The following CDH17 variants were observed in gnomAD, a reference collection of about 807,000 sequenced individuals.
The protein encoded by CDH17 is cadherin 17.
A neutral mutation model predicts 86.3 loss-of-function variants in CDH17; 67 were observed. That is an observed-to-expected ratio of 0.78 (90% CI 0.64 to 0.95). CDH17 has a LOEUF of 0.95. Among genes scored for constraint, CDH17 ranks in the 40% least tolerant of loss-of-function variants. CDH17 has a pLI of 0.00. For missense variants in CDH17, 993 were observed against 1,017.6 expected (o/e 0.98, Z 0.33); for synonymous variants, 367 against 366.4 (o/e 1.00, Z -0.02).
chr8:94,154,978 C>G (rs547658623), intron 12 of CDH17, among the ~76,000 whole-genome samples: 1 of 152,066 alleles, frequency 6.6e-6, no homozygotes, highest in South Asian at 2.1e-4. Context: ...CCAACACACA[C>G]CATCATGACT....
chr8:94,132,115 G>T (rs533907175), intron 15 of CDH17, among the ~76,000 whole-genome samples: 204 of 152,284 alleles, frequency 1.3e-3, no homozygotes, highest in African/African-American at 4.5e-3. Flanking sequence ...CTTTGCTCTT[G>T]TGAATAGTGC....
chr8:94,146,807 G>A (rs1315619483), intron 14 of CDH17, among the ~76,000 whole-genome samples: 1 of 152,160 alleles, frequency 6.6e-6, no homozygotes, highest in Non-Finnish European at 1.5e-5. Context: ...TCAGTATGGG[G>A]CTGTCAGTGC....
chr8:94,192,480 G>A (rs751770204), intron 2 of CDH17, among the ~76,000 whole-genome samples: 1 of 152,186 alleles, frequency 6.6e-6, no homozygotes, highest in Non-Finnish European at 1.5e-5. Flanking sequence ...TATGAAGAAA[G>A]TATCTCCAGA....
Position 94,145,543 on chromosome 8 carries a change from T to G in CDH17, c.2167+385A>C, listed in dbSNP as rs572575779. Among the ~76,000 whole-genome samples the G allele has an allele frequency of 3.9e-5, 6 of 152,308 alleles. No homozygotes were observed. The East Asian group carries it at 1.2e-3, about 29-fold the overall frequency. ...TGGTGGAAATGTTCATTGTCTTGAT[T>G]GTGCTGATGGCTTCAGTGGTATTTA... On this transcript the variant is annotated intron_variant, in intron 15 of 17. Transcript: ENST00000027335.
upstream of CDH17, among the ~76,000 whole-genome samples, chr8:94,212,990 G>T (rs557163613): frequency 6.4e-4 from 97 of 152,292 alleles, no homozygotes; most frequent in African/African-American, 2.2e-3. Flanking sequence ...CTGGTTCAGG[G>T]TATGTCCCTG....
intron 11 of CDH17, among the ~76,000 whole-genome samples, chr8:94,161,364 C>T (rs931316105): frequency 6.6e-6 from 1 of 152,118 alleles, no homozygotes; most frequent in Admixed American, 6.5e-5. Context: ...GATTTATGAA[C>T]ATCATCACAG....
chr8:94,195,317 T>C (rs1174434466), intron 1 of CDH17, among the ~76,000 whole-genome samples: 1 of 152,136 alleles, frequency 6.6e-6, no homozygotes, highest in East Asian at 1.9e-4. Context: ...TTCACTCCTA[T>C]TATACAGATG....
intron 9 of CDH17, among the ~76,000 whole-genome samples, chr8:94,168,610 TAA>T: frequency 6.6e-6 from 1 of 152,300 alleles, no homozygotes; most frequent in Middle Eastern, 3.4e-3. Context: ...CTTGGTCCAC[TAA>T]AGACTCTGAA....
chr8:94,159,081 C>T (rs1204905242), intron 12 of CDH17, among the ~76,000 whole-genome samples: 2 of 152,094 alleles, frequency 1.3e-5, no homozygotes, highest in Non-Finnish European at 2.9e-5. Context: ...ACTGTAAGTA[C>T]ATTGGACGGC....
chr8:94,151,668 G>A (rs754995728), intron 13 of CDH17, among the ~76,000 whole-genome samples, 200 bp downstream of exon 13: 4 of 152,214 alleles, frequency 2.6e-5, no homozygotes, highest in Non-Finnish European at 5.9e-5. Flanking sequence ...CCACTTGTCT[G>A]AGCCTAGATG....
intron 10 of CDH17, among the ~76,000 whole-genome samples, 183 bp from the exon 11 acceptor site, chr8:94,162,345 G>A (rs570600441): frequency 6.6e-6 from 1 of 152,318 alleles, no homozygotes; most frequent in South Asian, 2.1e-4. Flanking sequence ...GTCACCAAGT[G>A]TGGGGCAGGG....
At position 94,170,460 on chromosome 8, in the gene CDH17, CATTA is replaced by C; in HGVS notation, c.999_1002del (p.Ile333MetfsTer11). On this transcript the variant is annotated frameshift_variant, in exon 9 of 18. Transcript: ENST00000027335. LOFTEE classifies it high-confidence loss of function. ...GGTGACGGACATGTAGGTGGATTAT[CATTA>C]ATATCTTTAACTTTTACATGAATTT... 1 of 1,613,544 alleles carries C rather than the reference CATTA, an allele frequency of 6.2e-7. No homozygotes were observed. Among genetic ancestry groups the C allele is most frequent in the South Asian group, 1.1e-5 (1 of 91,076 alleles).
At chr8:94,192,645 C>G (rs1178084364) in intron 2 of CDH17, among the ~76,000 whole-genome samples, 1 of 152,160 alleles carries the variant, frequency 6.6e-6, no homozygotes, top group Non-Finnish European at 1.5e-5. Flanking sequence ...TACTTGGTAG[C>G]TCCATCAAGA....
intron 9 of CDH17, among the ~76,000 whole-genome samples, chr8:94,167,816 A>G (rs1326868465): frequency 1.3e-5 from 2 of 152,008 alleles, no homozygotes; most frequent in Non-Finnish European, 2.9e-5. Flanking sequence ...CTGGGAGCAG[A>G]GGACCTTGTG....
At chr8:94,129,921 A>G (rs572768158) in intron 17 of CDH17, among the ~76,000 whole-genome samples, 1 of 152,242 alleles carries the variant, frequency 6.6e-6, no homozygotes, top group Admixed American at 6.5e-5. Flanking sequence ...CATCCCCAAG[A>G]TATCTCATCG....
intron 9 of CDH17, among the ~76,000 whole-genome samples, chr8:94,168,097 A>AATATATATATATAT (rs529264296): frequency 2.0e-5 from 1 of 50,656 alleles, no homozygotes; most frequent in African/African-American, 1.1e-4. Flanking sequence ...TACACTGGGG[A>AATATATATATATAT]ATATATATAT....
At chr8:94,216,743 A>G (rs959463049) in intron 1 of CDH17, among the ~76,000 whole-genome samples, 3 of 152,158 alleles carry the variant, frequency 2.0e-5, no homozygotes, top group Non-Finnish European at 4.4e-5. Flanking sequence ...ACTACACAAT[A>G]CTTGACTAGA....
intron 15 of CDH17, among the ~76,000 whole-genome samples, chr8:94,137,716 C>A (rs1586232717): frequency 6.6e-6 from 1 of 152,032 alleles, no homozygotes; most frequent in East Asian, 1.9e-4. Context: ...AAAAACCTAA[C>A]TAACTTAACA....
chr8:94,206,639 A>ATTTTTT (rs35064887), intron 1 of CDH17, among the ~76,000 whole-genome samples: 1 of 130,424 alleles, frequency 7.7e-6, no homozygotes, highest in African/African-American at 3.0e-5. Flanking sequence ...CATCATCCAG[A>ATTTTTT]TTTTTTTTTT....
Sources: allele counts gnomAD v4.1 joint callset (sites outside exome capture counted in the v4.1 genomes callset), GRCh38; gene constraint gnomAD v4.1.1; transcripts MANE v1.5; gene names NCBI Gene and HGNC (gene_info 2026-07-23, HGNC 2026-07-21).